APOL2: variants seen among roughly 807,000 people sequenced by gnomAD.
The protein encoded by APOL2 is apolipoprotein L, 2.
Under a neutral mutation model 7.1 loss-of-function variants are expected in APOL2, and 8 were observed. The ratio of observed to expected loss-of-function variants is 1.12; its 90% CI spans 0.66 to 2.03. The LOEUF (loss-of-function observed/expected upper bound fraction) is 2.03. Ranked by LOEUF, APOL2 falls within the 30% of genes most tolerant of loss-of-function variation. The probability of loss-of-function intolerance (pLI) is 0.00; values close to 1 mark genes in which losing one functional copy is unlikely to be tolerated. For missense variants in APOL2, 471 were observed against 415.1 expected, an observed-to-expected ratio of 1.13 and a Z score of -1.17; for synonymous variants, 177 against 159.9, an observed-to-expected ratio of 1.11 and a Z score of -0.81.
chr22:36,239,235 T>C, intron 1 of APOL2: 1 of 1,365,678 alleles, frequency 7.3e-7, no homozygotes, highest in Non-Finnish European at 9.4e-7. Flanking sequence ...CCCACCTCTC[T>C]CTACAGTTTA....
At chr22:36,229,151 G>A (rs1471829902) in intron 4 of APOL2, among the ~76,000 whole-genome samples, 5 of 152,162 alleles carry the variant, frequency 3.3e-5, no homozygotes, top group Admixed American at 2.0e-4. Flanking sequence ...TCTGAGCACC[G>A]TTTGTTATCT....
intron 1 of APOL2, among the ~76,000 whole-genome samples, chr22:36,233,973 T>C (rs1013083171): frequency 2.6e-5 from 4 of 152,342 alleles, no homozygotes; most frequent in African/African-American, 9.6e-5. Context: ...TAAGATTCTT[T>C]GTCCCACAAA....
Position 36,227,595 on chromosome 22 carries a change from C to T in APOL2, c.823G>A (p.Val275Met), listed in dbSNP as rs371828059. 3.5e-5 allele frequency: 56 copies of T among 1,614,156 alleles called. No individual in the cohort carries two copies. Among genetic ancestry groups the T allele is most frequent in the African/African-American group, 5.3e-5 (4 of 74,958 alleles). ...AQAMSRGTMI[V>M]GAATGGILLL... ...AAGATGCCTCCAGTGGCTGCACCCA[C>T]GATCATGGTTCCTCTGCTCATTGCC... The change falls in exon 5 of 5, where the codon GTG (valine) becomes ATG (methionine). Residue 275 changes from valine (V) to methionine (M), a missense_variant. Val to Met is a conservative substitution (Grantham distance 21). Coordinates refer to ENST00000358502, the MANE Select transcript of APOL2 (RefSeq NM_030882.4).
chr22:36,229,458 C>T (rs2005998), intron 4 of APOL2, among the ~76,000 whole-genome samples: 43,721 of 152,092 alleles, frequency 0.29, 6,854 homozygotes, highest in Non-Finnish European at 0.35. Context: ...TTGGCAACAC[C>T]GCATGTGTTT....
At position 36,227,565 on chromosome 22, in the gene APOL2, G is replaced by A. The variant is rs1356459176; in HGVS notation, c.853C>T (p.Leu285=). 3.7e-6 allele frequency: 6 copies of A among 1,614,244 alleles called. No individual in the cohort carries two copies. The highest frequency in any genetic ancestry group is 5.1e-6 in the Non-Finnish European group (6 of 1,180,046). Reference sequence around the variant, plus strand: ...TATGCAAGGCTGACCACATCCAGCAGAAGCAAGATGCCTCCAGTGGCTGCA... The same window carrying A: ...TATGCAAGGCTGACCACATCCAGCAAAAGCAAGATGCCTCCAGTGGCTGCA... ...VGAATGGILL[L]LDVVSLAYES... The change falls in exon 5 of 5, where the codon CTG becomes TTG. Residue 285 remains leucine, a synonymous_variant. Coordinates refer to ENST00000358502, the MANE Select transcript of APOL2 (RefSeq NM_030882.4).
At chr22:36,239,195 G>C (rs2015516458) in intron 1 of APOL2, 1 of 1,278,788 alleles carries the variant, frequency 7.8e-7, no homozygotes, top group Admixed American at 3.7e-5. Context: ...TGAGCCCGGG[G>C]AGCTTTGTGA....
At position 36,231,457 on chromosome 22, in the gene APOL2, A is replaced by G; in HGVS notation, c.20T>C (p.Ile7Thr). The change falls in exon 4 of 5, where the codon ATC becomes ACC. Residue 7 changes from isoleucine to threonine, a missense_variant. Coordinates refer to ENST00000358502, the MANE Select transcript of APOL2 (RefSeq NM_030882.4). The part of the protein sequence containing the change: MNPESS[I>T]FIEDYLKYFQ... ...ATACTTAAGGTAATCCTCAATAAAG[A>G]TACTGCTCTCTAGTTGGAAAGAAGA... The G allele has an allele frequency of 6.2e-7, 1 of 1,611,600 alleles. No individual in the cohort carries two copies. The highest frequency in any genetic ancestry group is 8.5e-7 in the Non-Finnish European group (1 of 1,179,620).
intron 1 of APOL2, among the ~76,000 whole-genome samples, chr22:36,235,600 A>G (rs965047858): frequency 6.6e-6 from 1 of 152,214 alleles, no homozygotes; most frequent in African/African-American, 2.4e-5. Flanking sequence ...CATGTGAAAG[A>G]AAGTCACGGA....
At chr22:36,238,546 GGTGATTTTAATAATCCAACAGT>G (rs2146985645) in intron 1 of APOL2, among the ~76,000 whole-genome samples, 1 of 152,242 alleles carries the variant, frequency 6.6e-6, no homozygotes, top group East Asian at 1.9e-4. Flanking sequence ...AGCAAAAATG[GGTGATTTTAATAATCCAACAGT>G]GTCCAGGTTT....
At chr22:36,230,418 C>T (rs1411470360) in intron 4 of APOL2, among the ~76,000 whole-genome samples, 3 of 152,134 alleles carry the variant, frequency 2.0e-5, no homozygotes, top group African/African-American at 4.8e-5. Flanking sequence ...AGAAATATCC[C>T]TCTCCCACTC....
intron 1 of APOL2, among the ~76,000 whole-genome samples, chr22:36,235,498 T>C (rs185395488): frequency 6.6e-6 from 1 of 151,228 alleles, no homozygotes; most frequent in African/African-American, 2.4e-5. Flanking sequence ...AAACAAGATA[T>C]ATAGAAAAGA....
Position 36,231,484 on chromosome 22 carries a change from A to G in APOL2, c.11-18T>C. On this transcript the variant is annotated intron_variant, in intron 3 of 4. Transcript: ENST00000358502. ...ACTGCTCTCTAGTTGGAAAGAAGAA[A>G]GGATAAGGTTGGAGGATAGTGTAGG... 6.2e-7 allele frequency: 1 copy of G among 1,611,934 alleles called. No homozygotes were observed.
chr22:36,237,238 T>C (rs1175357416), intron 1 of APOL2: 7 of 1,368,140 alleles, frequency 5.1e-6, no homozygotes, highest in Non-Finnish European at 6.6e-6. Flanking sequence ...TCAATTCCGG[T>C]GTCCAACTGA....
intron 4 of APOL2, among the ~76,000 whole-genome samples, chr22:36,230,144 T>A (rs375676918): frequency 2.3e-4 from 35 of 152,338 alleles, no homozygotes; most frequent in Middle Eastern, 3.4e-3. Context: ...CTGAATTTGG[T>A]CAAGATGGTA....
intron 1 of APOL2, among the ~76,000 whole-genome samples, chr22:36,233,817 T>G (rs190110369): frequency 6.6e-6 from 1 of 152,336 alleles, no homozygotes; most frequent in African/African-American, 2.4e-5. Flanking sequence ...CTCTACTCCC[T>G]TAAATATACA....
rs1556619170 is a variant in APOL2 at position 36,226,662 on chromosome 22, T to TTG, written c.*741_*742insCA. On this transcript the variant is annotated 3_prime_UTR_variant, in exon 5 of 5. Coordinates refer to ENST00000358502, the MANE Select transcript of APOL2 (RefSeq NM_030882.4). ...TTTATTCTTGGAAGGACATCAAACC[T>TTG]GGGGGGGGGTCGGTAGTGGAGCTGC... 3 of 151,874 alleles carry TTG rather than the reference T, an allele frequency of 2.0e-5. No homozygotes were observed. The highest frequency in any genetic ancestry group is 2.1e-4 in the South Asian group (1 of 4,742). 9.4% of individuals were successfully genotyped at this position (151,874 alleles called of 1,614,324 possible). A position where few individuals can be genotyped will look rare whatever the true frequency, so the allele number is the denominator to read the frequency against.
chr22:36,231,743 G>C (rs558721215), intron 3 of APOL2, among the ~76,000 whole-genome samples: 2 of 152,326 alleles, frequency 1.3e-5, no homozygotes, highest in South Asian at 2.1e-4. Context: ...TAGAGGGCTA[G>C]TGTCCTATTG....
At chr22:36,231,000 T>C (rs547718693) in intron 4 of APOL2, among the ~76,000 whole-genome samples, 1 of 152,340 alleles carries the variant, frequency 6.6e-6, no homozygotes, top group South Asian at 2.1e-4. Context: ...TGTCAGTCAT[T>C]ATGCTAAGCA....
chr22:36,227,676 G>A lies in APOL2; in HGVS notation c.742C>T (p.Arg248Ter), dbSNP rs759342525. ...AYAPPPHVIG[R>*]ISAEGGEQVE... ...TGTTCACCGCCTTCAGCTGAGATTCGCCCAATGACATGCGGGGGTGGGGCA... is the reference window on the plus strand; with the variant it reads ...TGTTCACCGCCTTCAGCTGAGATTCACCCAATGACATGCGGGGGTGGGGCA... Residue 248 changes from arginine (R) to a stop codon, truncating the protein, a stop_gained, in exon 5 of 5, where the codon CGA becomes TGA. Coordinates refer to ENST00000358502, the MANE Select transcript of APOL2 (RefSeq NM_030882.4). LOFTEE classifies it low-confidence loss of function (END_TRUNC). 6.2e-6 allele frequency: 10 copies of A among 1,614,110 alleles called. No homozygotes were observed. Among genetic ancestry groups the A allele is most frequent in the African/African-American group, 1.3e-5 (1 of 74,940 alleles).
Sources: gnomAD v4.1 joint callset for allele counts (sites outside exome capture counted in the v4.1 genomes callset) on GRCh38, gnomAD v4.1.1 for gene constraint, MANE v1.5 for transcripts, NCBI Gene and HGNC (gene_info 2026-07-23, HGNC 2026-07-21) for gene names.